Variants in RFX3 observed in about 807,000 individuals in gnomAD.
The protein encoded by RFX3 is regulatory factor X3.
A neutral mutation model predicts 98.6 loss-of-function variants in RFX3; 14 were observed. The ratio of observed to expected loss-of-function variants is 0.14; its 90% CI spans 0.09 to 0.22. The LOEUF (loss-of-function observed/expected upper bound fraction) is 0.22, where lower values mean the gene tolerates loss of function less well. RFX3 is among the 10% of genes least tolerant of loss of function. The pLI, the probability that RFX3 is intolerant of heterozygous loss-of-function variation, is 1.00. For missense variants in RFX3, 639 were observed against 926.9 expected (o/e 0.69, Z 4.03); for synonymous variants, 383 against 328.4 (o/e 1.17, Z -1.80).
At chr9:3,525,136 AAG>A (rs1819129173) in intron 1 of RFX3, among the ~76,000 whole-genome samples, 1 of 152,094 alleles carries the variant, frequency 6.6e-6, no homozygotes, top group Non-Finnish European at 1.5e-5. Context: ...GCACCAGGCA[AAG>A]AGGGGCAAAA....
chr9:3,273,567 T>A (rs996997408), intron 9 of RFX3, among the ~76,000 whole-genome samples: 10 of 152,198 alleles, frequency 6.6e-5, no homozygotes, highest in South Asian at 2.1e-4. Context: ...AGAAATTTTT[T>A]AAAAATCCAT....
At chr9:3,412,303 G>A (rs901756641) in intron 1 of RFX3, among the ~76,000 whole-genome samples, 2 of 152,162 alleles carry the variant, frequency 1.3e-5, no homozygotes, top group Non-Finnish European at 2.9e-5. Flanking sequence ...TTGAGTCATG[G>A]TTAGTGCCAT....
At chr9:3,396,089 GCA>G (rs1840836635) in intron 1 of RFX3, among the ~76,000 whole-genome samples, 1 of 151,242 alleles carries the variant, frequency 6.6e-6, no homozygotes, top group Admixed American at 6.6e-5. Flanking sequence ...TGCACAATGT[GCA>G]GGTTAGTTAC....
chr9:3,439,687 C>T (rs1845458497), intron 1 of RFX3, among the ~76,000 whole-genome samples: 1 of 151,922 alleles, frequency 6.6e-6, no homozygotes, highest in Non-Finnish European at 1.5e-5. Context: ...GCTCAAATGA[C>T]TTCTACCAAA....
chr9:3,244,940 G>A (rs1177114030), intron 15 of RFX3, among the ~76,000 whole-genome samples: 2 of 152,068 alleles, frequency 1.3e-5, no homozygotes, highest in African/African-American at 4.8e-5. Context: ...ATAAAAACTT[G>A]TTAATAAATG....
chr9:3,295,739 T>A (rs976393177), intron 5 of RFX3, among the ~76,000 whole-genome samples: 1 of 152,080 alleles, frequency 6.6e-6, no homozygotes, highest in African/African-American at 2.4e-5. Context: ...AGTAAAGAAC[T>A]CAATATTGCT....
chr9:3,266,363 G>A (rs1823630827), intron 11 of RFX3, 58 bp from the exon 12 acceptor site: 2 of 1,131,392 alleles, frequency 1.8e-6, no homozygotes, highest in Admixed American at 1.8e-5. Context: ...ATTAATGTTT[G>A]TGCTAGAATA....
At chr9:3,455,220 T>C (rs1375195237) in intron 1 of RFX3, among the ~76,000 whole-genome samples, 1 of 152,356 alleles carries the variant, frequency 6.6e-6, no homozygotes, top group Non-Finnish European at 1.5e-5. Flanking sequence ...AGTGGCCTCA[T>C]TCCTTTCTAC....
intron 2 of RFX3, among the ~76,000 whole-genome samples, chr9:3,385,036 T>G (rs1004887352): frequency 6.6e-6 from 1 of 152,228 alleles, no homozygotes; most frequent in Non-Finnish European, 1.5e-5. Flanking sequence ...TACCTTTCTT[T>G]GACACACTGA....
chr9:3,219,751 C>T lies in RFX3; in HGVS notation c.*5291G>A, dbSNP rs1265394619. On this transcript the variant is annotated 3_prime_UTR_variant, in exon 17 of 17. Coordinates refer to ENST00000617270, the MANE Select transcript of RFX3 (RefSeq NM_001282116.2). Reference sequence around the variant, plus strand: ...TCAAAAGAAGAGAGTTAAATTAAAACCCTTTGAGTATTGCATGTTAACACA... The same window carrying T: ...TCAAAAGAAGAGAGTTAAATTAAAATCCTTTGAGTATTGCATGTTAACACA... 2 of 152,074 alleles carry T rather than the reference C, an allele frequency of 1.3e-5. No individual in the cohort carries two copies. Among genetic ancestry groups the T allele is most frequent in the African/African-American group, 4.8e-5 (2 of 41,412 alleles). The allele number at this position is 152,074 out of a possible 1,614,324, so 9.4% of individuals were successfully genotyped here.
Position 3,496,812 on chromosome 9 carries a change from C to G in RFX3, c.-9+28935G>C, listed in dbSNP as rs148370355. On this transcript the variant is annotated intron_variant, in intron 1 of 16. Coordinates refer to ENST00000617270, the MANE Select transcript of RFX3 (RefSeq NM_001282116.2). ...CCTAACAATTTTGCAAGCTAACACA[C>G]TTCATGCAAGATGCATCAGATTAAA... is the stretch of plus-strand genomic sequence containing the variant. Among the ~76,000 whole-genome samples the G allele has an allele frequency of 4.1e-3, 617 of 152,044 alleles. 3 individuals carry two copies. Among genetic ancestry groups the G allele is most frequent in the African/African-American group, 0.014 (576 of 41,512 alleles).
intron 3 of RFX3, among the ~76,000 whole-genome samples, chr9:3,343,282 A>G (rs765492247): frequency 2.4e-4 from 37 of 152,172 alleles, no homozygotes; most frequent in Non-Finnish European, 7.4e-5. Context: ...GGTGCTCAAA[A>G]GTTCATGATA....
At chr9:3,395,401 G>T (rs1840752391) in intron 2 of RFX3, 71 bp downstream of exon 2, 1 of 1,516,526 alleles carries the variant, frequency 6.6e-7, no homozygotes, top group Non-Finnish European at 8.9e-7. Flanking sequence ...AATAATTTTT[G>T]GATACAGGTA....
chr9:3,294,959 T>C (rs867848978), intron 5 of RFX3, among the ~76,000 whole-genome samples: 1 of 152,122 alleles, frequency 6.6e-6, no homozygotes, highest in African/African-American at 2.4e-5. Context: ...ACATTTGTTT[T>C]TACAATGACA....
At chr9:3,368,804 AC>A (rs148722381) in intron 2 of RFX3, among the ~76,000 whole-genome samples, 10,815 of 152,268 alleles carry the variant, frequency 0.071, 465 homozygotes, top group African/African-American at 0.12. Flanking sequence ...GAACTGGATG[AC>A]AGAGTTAATT....
chr9:3,358,252 T>A (rs1756835950), intron 2 of RFX3, among the ~76,000 whole-genome samples: 1 of 152,132 alleles, frequency 6.6e-6, no homozygotes, highest in African/African-American at 2.4e-5. Flanking sequence ...TTATAATACA[T>A]CTTGAATAAC....
chr9:3,481,633 A>G (rs563974553), intron 1 of RFX3, among the ~76,000 whole-genome samples: 1 of 152,158 alleles, frequency 6.6e-6, no homozygotes, highest in African/African-American at 2.4e-5. Context: ...ATATTTTTAA[A>G]CTAAAAAAAA....
rs565670281 is a variant in RFX3, at chr9:3,233,893, A to T, written c.1969-5004T>A. ...AATATTGTTATTATGTATAAATATCATCATTATCTCCCAAGAACTGTAAAC... is the reference window on the plus strand; with the variant it reads ...AATATTGTTATTATGTATAAATATCTTCATTATCTCCCAAGAACTGTAAAC... On this transcript the variant is annotated intron_variant, in intron 15 of 16. Transcript: ENST00000617270. Among the ~76,000 whole-genome samples the T allele has an allele frequency of 3.9e-5, 6 of 152,294 alleles. No individual in the cohort carries two copies. In the South Asian group the frequency reaches 6.2e-4, roughly 16 times the overall value.
At chr9:3,366,734 C>CTTTA (rs1837238484) in intron 2 of RFX3, among the ~76,000 whole-genome samples, 1 of 93,854 alleles carries the variant, frequency 1.1e-5, no homozygotes, top group Non-Finnish European at 2.3e-5. Context: ...TTCTTTCTTT[C>CTTTA]TTTCTTTCTT....
Sources: allele counts gnomAD v4.1 joint callset (sites outside exome capture counted in the v4.1 genomes callset), GRCh38; gene constraint gnomAD v4.1.1; transcripts MANE v1.5; gene names NCBI Gene and HGNC (gene_info 2026-07-23, HGNC 2026-07-21).